CDH13: variants seen among roughly 807,000 people sequenced by gnomAD.
CDH13 encodes cadherin-13.
Under a neutral mutation model 63.8 loss-of-function variants are expected in CDH13, and 24 were observed. That is an observed-to-expected ratio of 0.38 (90% CI 0.27 to 0.53). The LOEUF (loss-of-function observed/expected upper bound fraction) is 0.53. Among genes scored for constraint, CDH13 ranks in the 20% least tolerant of loss-of-function variants. The pLI is 0.85. For missense variants in CDH13, 1,049 were observed against 903.1 expected (o/e 1.16, Z -2.07); for synonymous variants, 503 against 355.3 (o/e 1.42, Z -4.67).
intron 1 of CDH13, among the ~76,000 whole-genome samples, chr16:82,843,733 AGAAAG>A (rs2039130932): frequency 2.6e-5 from 4 of 152,342 alleles, no homozygotes; most frequent in African/African-American, 9.6e-5. Context: ...CTGGCAGAGA[AGAAAG>A]TGTTGAGAGC....
intron 6 of CDH13, among the ~76,000 whole-genome samples, chr16:83,429,937 T>C (rs1160494763): frequency 2.0e-5 from 3 of 152,206 alleles, no homozygotes; most frequent in African/African-American, 7.2e-5. Context: ...CCATTGATTA[T>C]TAATTCCTCA....
chr16:83,316,800 A>C lies in CDH13; in HGVS notation c.637-28062A>C, dbSNP rs1478061930. ...CTTTTGCTGTAAAACAAACAACTTC[A>C]AAATCACACTGGCCTAAAACAACAG... On this transcript the variant is annotated intron_variant, in intron 5 of 13. Transcript: ENST00000567109. Among the ~76,000 whole-genome samples the C allele has an allele frequency of 4.6e-5, 7 of 152,366 alleles. No individual in the cohort carries two copies. In the South Asian group the frequency reaches 8.3e-4, roughly 18 times the overall value.
intron 1 of CDH13, among the ~76,000 whole-genome samples, chr16:82,798,855 G>T (rs1304397452): frequency 6.6e-6 from 1 of 152,030 alleles, no homozygotes; most frequent in African/African-American, 2.4e-5. Context: ...GTGCTTAAAT[G>T]GATATCTTAT....
At chr16:83,469,930 G>T (rs191131048) in intron 6 of CDH13, among the ~76,000 whole-genome samples, 7 of 152,300 alleles carry the variant, frequency 4.6e-5, no homozygotes, top group Admixed American at 4.6e-4. Flanking sequence ...CCTACAGGCT[G>T]GGAGACTTTT....
intron 13 of CDH13, among the ~76,000 whole-genome samples, chr16:83,792,919 A>T (rs2151022240): frequency 6.6e-6 from 1 of 152,306 alleles, no homozygotes; most frequent in South Asian, 2.1e-4. Context: ...CATTGTAAAA[A>T]TGAAACCTAA....
intron 7 of CDH13, among the ~76,000 whole-genome samples, chr16:83,545,650 C>G (rs933971228): frequency 3.3e-5 from 5 of 152,162 alleles, no homozygotes; most frequent in African/African-American, 9.7e-5. Flanking sequence ...CATTAGCCAT[C>G]TACCAGACCT....
At chr16:83,177,855 C>T (rs1406505022) in intron 4 of CDH13, among the ~76,000 whole-genome samples, 1 of 152,158 alleles carries the variant, frequency 6.6e-6, no homozygotes, top group Non-Finnish European at 1.5e-5. Flanking sequence ...AGTAGTATTA[C>T]CTAATACCTG....
chr16:83,612,883 C>T (rs926126722), intron 8 of CDH13, among the ~76,000 whole-genome samples: 5 of 151,806 alleles, frequency 3.3e-5, no homozygotes, highest in Admixed American at 6.6e-5. Flanking sequence ...ACTTATTTAC[C>T]CTTTGTATTA....
intron 2 of CDH13, among the ~76,000 whole-genome samples, chr16:83,027,796 C>A (rs1018571312): frequency 1.3e-5 from 2 of 152,166 alleles, no homozygotes; most frequent in African/African-American, 2.4e-5. Flanking sequence ...TAACTGCTTA[C>A]ATCCAGTTCG....
intron 10 of CDH13, among the ~76,000 whole-genome samples, chr16:83,683,323 G>T (rs373104611): frequency 6.6e-6 from 1 of 152,104 alleles, no homozygotes; most frequent in East Asian, 1.9e-4. Flanking sequence ...ATAGTTTCTG[G>T]AAGAAACTTT....
intron 4 of CDH13, among the ~76,000 whole-genome samples, chr16:83,166,499 G>A (rs9889120): frequency 0.17 from 25,971 of 151,864 alleles, 2,605 homozygotes; most frequent in Middle Eastern, 0.27. Context: ...GATTTTTATC[G>A]TCTCAGAAAC....
At chr16:82,793,556 G>C (rs1241726407) in intron 1 of CDH13, among the ~76,000 whole-genome samples, 1 of 152,166 alleles carries the variant, frequency 6.6e-6, no homozygotes, top group Non-Finnish European at 1.5e-5. Context: ...TTCCATGTCA[G>C]TCTGCCGTGT....
At chr16:83,278,891 A>G (rs2089075454) in intron 5 of CDH13, among the ~76,000 whole-genome samples, 2 of 152,346 alleles carry the variant, frequency 1.3e-5, no homozygotes, top group South Asian at 2.1e-4. Flanking sequence ...GTTGAACCTT[A>G]GTCTCATAAT....
intron 6 of CDH13, among the ~76,000 whole-genome samples, chr16:83,485,211 G>T (rs1470144168): frequency 6.6e-6 from 1 of 152,198 alleles, no homozygotes; most frequent in Non-Finnish European, 1.5e-5. Context: ...AATTCAGCTA[G>T]AAATTTATTT....
chr16:82,877,561 T>C (rs564925105), intron 2 of CDH13, among the ~76,000 whole-genome samples: 8 of 152,214 alleles, frequency 5.3e-5, no homozygotes, highest in Admixed American at 2.6e-4. Flanking sequence ...TTCTGCAGAG[T>C]GGTAACAGCA....
At chr16:83,551,671 T>C (rs1376906659) in intron 7 of CDH13, among the ~76,000 whole-genome samples, 1 of 152,198 alleles carries the variant, frequency 6.6e-6, no homozygotes, top group African/African-American at 2.4e-5. Flanking sequence ...TTAAGATGTG[T>C]CATCTGGGGA....
At chr16:82,633,906 A>G (rs1908334320) in intron 1 of CDH13, among the ~76,000 whole-genome samples, 1 of 152,218 alleles carries the variant, frequency 6.6e-6, no homozygotes, top group African/African-American at 2.4e-5. Flanking sequence ...CAGACCCCAA[A>G]GATCAGAGTA....
intron 6 of CDH13, among the ~76,000 whole-genome samples, chr16:83,484,891 C>G (rs1488106355): frequency 6.6e-6 from 1 of 152,174 alleles, no homozygotes; most frequent in Non-Finnish European, 1.5e-5. Flanking sequence ...CTACCTAGAC[C>G]ACTGTTTGAG....
intron 7 of CDH13, among the ~76,000 whole-genome samples, chr16:83,544,111 C>T (rs2075340980): frequency 6.6e-6 from 1 of 152,140 alleles, no homozygotes; most frequent in Admixed American, 6.5e-5. Context: ...CGAGCACACC[C>T]TCTCACTGAA....
Sources: allele counts gnomAD v4.1 joint callset (sites outside exome capture counted in the v4.1 genomes callset), GRCh38; gene constraint gnomAD v4.1.1; transcripts MANE v1.5; gene names NCBI Gene and HGNC (gene_info 2026-07-23, HGNC 2026-07-21).